Variants in PDE6A observed in about 807,000 individuals in gnomAD.
PDE6A encodes phosphodiesterase 6A.
In PDE6A, 84 loss-of-function variants were observed where a neutral mutation model predicts 106.3. The ratio of observed to expected loss-of-function variants is 0.79; its 90% confidence interval spans 0.66 to 0.95. PDE6A has a LOEUF of 0.95. Among genes scored for constraint, PDE6A ranks in the 40% least tolerant of loss-of-function variants. The pLI, the probability that PDE6A is intolerant of heterozygous loss-of-function variation, is 0.00. For synonymous variants in PDE6A, 394 were observed against 386.6 expected (o/e 1.02, Z -0.23); for missense variants, 1,052 against 1,084.9 (o/e 0.97, Z 0.43).
At chr5:149,902,938 G>A (rs1753036098) in intron 8 of PDE6A, among the ~76,000 whole-genome samples, 1 of 151,966 alleles carries the variant, frequency 6.6e-6, no homozygotes, top group South Asian at 2.1e-4. Flanking sequence ...ATTTCAATAG[G>A]AGATGGTAGA....
At chr5:149,936,240 C>T (rs188386070) in intron 1 of PDE6A, among the ~76,000 whole-genome samples, 152 of 150,310 alleles carry the variant, frequency 1.0e-3, no homozygotes, top group Middle Eastern at 6.8e-3. Context: ...TAGATTTCTT[C>T]TAGTTGGAAT....
chr5:149,872,201 C>T (rs906951907), intron 17 of PDE6A, among the ~76,000 whole-genome samples: 3 of 152,100 alleles, frequency 2.0e-5, no homozygotes, highest in Non-Finnish European at 4.4e-5. Flanking sequence ...CCAGGGCAAG[C>T]GACTTCATGT....
chr5:149,919,460 A>G lies in PDE6A; in HGVS notation c.933+2175T>C, dbSNP rs148575969. Among the ~76,000 whole-genome samples, 539 of 152,304 alleles carry G rather than the reference A, an allele frequency of 3.5e-3. 7 individuals are homozygous for G. Among genetic ancestry groups the G allele is most frequent in the African/African-American group, 0.012 (489 of 41,562 alleles). On this transcript the variant is annotated intron_variant, in intron 5 of 21. Coordinates refer to ENST00000255266, the MANE Select transcript of PDE6A (RefSeq NM_000440.3). ...GAGGCGGAGGTTGCAGTGAGCTGAG[A>G]TCATGCCACTGCACTCCAGCCTGGG...
chr5:149,906,519 C>CA (rs560905491), intron 7 of PDE6A, among the ~76,000 whole-genome samples: 821 of 54,200 alleles, frequency 0.015, 88 homozygotes, highest in East Asian at 0.13. Context: ...GAGACACTGT[C>CA]AAAAAAAAAA....
At chr5:149,892,343 C>A (rs952905306) in intron 13 of PDE6A, among the ~76,000 whole-genome samples, 2 of 151,940 alleles carry the variant, frequency 1.3e-5, no homozygotes, top group African/African-American at 4.8e-5. Flanking sequence ...AAATGTTTTT[C>A]CCTTGTGAGG....
At position 149,896,343 on chromosome 5, in the gene PDE6A, GTT is replaced by G; in HGVS notation, c.1620+11_1620+12del. 1 of 1,602,882 alleles carries G rather than the reference GTT, an allele frequency of 6.2e-7. No homozygotes were observed. Among genetic ancestry groups the G allele is most frequent in the African/African-American group, 1.3e-5 (1 of 74,792 alleles). ...TTAAAAAGGGAAATCATATATATTT[GTT>G]TTGACCTCACCTCTTGTGGAATGTG... On this transcript the variant is annotated intron_variant, in intron 12 of 21. Coordinates refer to ENST00000255266, the MANE Select transcript of PDE6A (RefSeq NM_000440.3).
intron 7 of PDE6A, among the ~76,000 whole-genome samples, chr5:149,904,345 G>C (rs1394082868): frequency 1.3e-5 from 2 of 152,182 alleles, no homozygotes; most frequent in African/African-American, 4.8e-5. Context: ...TAAATGAAAG[G>C]TGTTGTAGCT....
chr5:149,898,319 C>T (rs749968832), intron 10 of PDE6A, 44 bp downstream of exon 10: 18 of 1,596,782 alleles, frequency 1.1e-5, no homozygotes, highest in Admixed American at 8.3e-5. Flanking sequence ...ATCTCTGAGA[C>T]GCAGTCTGTA....
chr5:149,941,446 G>A (rs1754324685), intron 1 of PDE6A, among the ~76,000 whole-genome samples: 2 of 152,202 alleles, frequency 1.3e-5, no homozygotes, highest in African/African-American at 4.8e-5. Context: ...TGCCCAAGGT[G>A]ATCAAAGAAG....
chr5:149,941,545 C>A (rs1056180412), intron 1 of PDE6A, among the ~76,000 whole-genome samples: 3 of 152,220 alleles, frequency 2.0e-5, no homozygotes, highest in Admixed American at 6.5e-5. Context: ...AGTGTTTACA[C>A]TTCCAGTAAT....
rs541233095 is a variant in PDE6A at position 149,935,815 on chromosome 5, A to C, written c.475-1097T>G. ...AACATGCTCAGCTCACGCCGTTCTG[A>C]GTGGAAATGTACTTCATAGAGCCAA... On this transcript the variant is annotated intron_variant, in intron 1 of 21. Transcript: ENST00000255266. 5.9e-5 allele frequency among the ~76,000 whole-genome samples: 9 copies of C among 152,322 alleles called. No individual in the cohort carries two copies. The East Asian group carries it at 1.2e-3, about 20-fold the overall frequency.
intron 8 of PDE6A, among the ~76,000 whole-genome samples, chr5:149,900,401 G>GATATATATATATATA (rs1752932187): frequency 1.3e-4 from 15 of 116,944 alleles, no homozygotes; most frequent in East Asian, 7.3e-4. Context: ...ATATATATCC[G>GATATATATATATATA]TTGGTTCATC....
intron 6 of PDE6A, among the ~76,000 whole-genome samples, chr5:149,908,184 C>T (rs1468203519): frequency 1.3e-5 from 2 of 152,074 alleles, no homozygotes; most frequent in East Asian, 3.9e-4. Context: ...ATTTTACTGA[C>T]TTACAGTGTT....
At chr5:149,897,135 T>A (rs1196635078) in intron 10 of PDE6A, among the ~76,000 whole-genome samples, 3 of 152,256 alleles carry the variant, frequency 2.0e-5, no homozygotes, top group Non-Finnish European at 4.4e-5. Flanking sequence ...CTTAGCACAG[T>A]GCTTGGCGCA....
chr5:149,874,346 G>A lies in PDE6A; in HGVS notation c.2136-6188C>T, dbSNP rs977725055. ...AAGTTGAAATGTGTCCCTGCGTTCG[G>A]GTTCAGTAATTTGCTAGATGAGCTC... On this transcript the variant is annotated intron_variant, in intron 17 of 21. Transcript: ENST00000255266. 3.9e-5 allele frequency among the ~76,000 whole-genome samples: 6 copies of A among 152,204 alleles called. No individual in the cohort carries two copies. In the East Asian group the frequency reaches 1.2e-3, roughly 29 times the overall value.
intron 8 of PDE6A, among the ~76,000 whole-genome samples, chr5:149,900,733 T>A (rs1437430000): frequency 1.3e-5 from 2 of 152,126 alleles, no homozygotes; most frequent in Non-Finnish European, 2.9e-5. Context: ...TCCAAAAGGA[T>A]GCAGAATACT....
intron 18 of PDE6A, 63 bp downstream of exon 18, chr5:149,868,032 C>T (rs1760395820): frequency 6.6e-7 from 1 of 1,505,136 alleles, no homozygotes; most frequent in Admixed American, 1.7e-5. Context: ...AGAGTCCAAG[C>T]CTCATGACCT....
intron 14 of PDE6A, among the ~76,000 whole-genome samples, chr5:149,885,100 A>G (rs1752239174): frequency 1.3e-5 from 2 of 152,210 alleles, no homozygotes; most frequent in Non-Finnish European, 2.9e-5. Flanking sequence ...GCCATGCTTC[A>G]AGATCATCTA....
intron 2 of PDE6A, among the ~76,000 whole-genome samples, 191 bp downstream of exon 2, chr5:149,934,375 C>A (rs1456812110): frequency 6.6e-6 from 1 of 152,212 alleles, no homozygotes; most frequent in Non-Finnish European, 1.5e-5. Flanking sequence ...AACAATTATC[C>A]CTCTATTCCT....
Sources: allele counts gnomAD v4.1 joint callset (sites outside exome capture counted in the v4.1 genomes callset), GRCh38; gene constraint gnomAD v4.1.1; transcripts MANE v1.5; gene names NCBI Gene and HGNC (gene_info 2026-07-23, HGNC 2026-07-21).